The following PTGER4 variants were observed in gnomAD, a reference collection of about 807,000 sequenced individuals.
PTGER4 encodes the protein prostaglandin E2 receptor EP4 subtype.
In PTGER4, 11 loss-of-function variants were observed where a neutral mutation model predicts 33.2. The ratio of observed to expected loss-of-function variants is 0.33; its 90% CI spans 0.21 to 0.55. The LOEUF is 0.55. Among genes scored for constraint, PTGER4 ranks in the 20% least tolerant of loss-of-function variants. PTGER4 has a pLI of 0.92. For synonymous variants in PTGER4, 275 were observed against 281.5 expected (o/e 0.98, Z 0.23); for missense variants, 481 against 650.2 (o/e 0.74, Z 2.83).
At chr5:40,701,777 A>T in the PTGER4 span, among the ~76,000 whole-genome samples, 5 of 152,214 alleles carry the variant, frequency 3.3e-5, no homozygotes, top group Non-Finnish European at 7.3e-5. Flanking sequence ...AAAGGCAGAC[A>T]GAGAGACAGT....
At chr5:40,717,229 C>CAAAAAAA in the PTGER4 span, among the ~76,000 whole-genome samples, 2 of 108,898 alleles carry the variant, frequency 1.8e-5, no homozygotes, top group Admixed American at 1.0e-4. Flanking sequence ...AACTCCATCT[C>CAAAAAAA]AAAAAAAAAA....
chr5:40,729,593 T>C, the PTGER4 span, among the ~76,000 whole-genome samples: 1 of 152,212 alleles, frequency 6.6e-6, no homozygotes, highest in Non-Finnish European at 1.5e-5. Flanking sequence ...CCATCCTCAT[T>C]TTTAAGAAAA....
At chr5:40,729,223 T>G in the PTGER4 span, among the ~76,000 whole-genome samples, 4 of 152,212 alleles carry the variant, frequency 2.6e-5, no homozygotes, top group African/African-American at 9.7e-5. Flanking sequence ...TCATATCACT[T>G]GATTCAGATG....
intron 2 of PTGER4, among the ~76,000 whole-genome samples, chr5:40,690,016 T>A (rs1741430038): frequency 6.6e-6 from 1 of 151,918 alleles, no homozygotes. Context: ...AGAAGTAATA[T>A]CTAGGCAAAA....
chr5:40,723,784 G>A, the PTGER4 span, among the ~76,000 whole-genome samples: 12 of 152,076 alleles, frequency 7.9e-5, no homozygotes, highest in South Asian at 2.1e-4. Context: ...AGAATCACTC[G>A]AACCCGGGAG....
the PTGER4 span, among the ~76,000 whole-genome samples, chr5:40,717,062 C>A: frequency 3.4e-4 from 52 of 152,036 alleles, no homozygotes; most frequent in African/African-American, 8.0e-4. Context: ...AACCCTGTCT[C>A]TACTAAAAAT....
chr5:40,697,278 G>GAA (rs753271229), downstream of PTGER4, among the ~76,000 whole-genome samples: 1 of 129,742 alleles, frequency 7.7e-6, no homozygotes, highest in Non-Finnish European at 1.7e-5. Context: ...AAGAAAGAAA[G>GAA]AAAGAAAGAA....
the PTGER4 span, among the ~76,000 whole-genome samples, chr5:40,740,214 A>G: frequency 6.6e-6 from 1 of 151,180 alleles, no homozygotes; most frequent in East Asian, 1.9e-4. Flanking sequence ...CAGTCTTCAT[A>G]CTTACCCATG....
At chr5:40,723,823 C>T in the PTGER4 span, among the ~76,000 whole-genome samples, 1 of 152,134 alleles carries the variant, frequency 6.6e-6, no homozygotes, top group African/African-American at 2.4e-5. Context: ...CGAGATCACA[C>T]CACTGCACTC....
At chr5:40,684,597 A>G (rs942840803) in intron 2 of PTGER4, among the ~76,000 whole-genome samples, 5 of 152,210 alleles carry the variant, frequency 3.3e-5, no homozygotes, top group African/African-American at 1.2e-4. Context: ...CAAAATATAC[A>G]TATTTCATAA....
chr5:40,685,433 A>C, intron 2 of PTGER4: 1 of 985,476 alleles, frequency 1.0e-6, no homozygotes, highest in Non-Finnish European at 1.2e-6. Flanking sequence ...ATGGGATGTC[A>C]GATGAGTGTG....
chr5:40,682,915 G>T (rs1429835747), intron 2 of PTGER4, among the ~76,000 whole-genome samples: 1 of 152,096 alleles, frequency 6.6e-6, no homozygotes, highest in Non-Finnish European at 1.5e-5. Flanking sequence ...ATTGCCTTTG[G>T]ATTAACTTTT....
chr5:40,717,100 G>T, the PTGER4 span, among the ~76,000 whole-genome samples: 1 of 151,874 alleles, frequency 6.6e-6, no homozygotes, highest in Non-Finnish European at 1.5e-5. Flanking sequence ...ATGATGGCGG[G>T]TGCCTGTAAT....
intron 2 of PTGER4, among the ~76,000 whole-genome samples, chr5:40,690,802 GT>G (rs1356918299): frequency 6.6e-6 from 1 of 152,120 alleles, no homozygotes; most frequent in East Asian, 1.9e-4. Context: ...GGGGAAAAAA[GT>G]TACTTCATTA....
chr5:40,687,928 C>T (rs1175041349), intron 2 of PTGER4, among the ~76,000 whole-genome samples: 2 of 152,132 alleles, frequency 1.3e-5, no homozygotes, highest in Non-Finnish European at 2.9e-5. Context: ...CTATACTAGT[C>T]GAAATCCATT....
the PTGER4 span, among the ~76,000 whole-genome samples, chr5:40,740,546 A>C: frequency 6.6e-6 from 1 of 152,152 alleles, no homozygotes; most frequent in Non-Finnish European, 1.5e-5. Context: ...GCAAGGATAA[A>C]TATCTCATGG....
the PTGER4 span, among the ~76,000 whole-genome samples, chr5:40,699,629 A>G: frequency 3.9e-5 from 6 of 152,166 alleles, no homozygotes; most frequent in African/African-American, 1.4e-4. Context: ...GAATCAAGCA[A>G]TATCTAAAAT....
Position 40,680,860 on chromosome 5 carries a change from A to T in PTGER4, c.-43-91A>T, listed in dbSNP as rs1741164093. The stretch of plus-strand genomic sequence containing the variant: ...AGGATCGAGTTGCTCCCCTTGTCTT[A>T]TCAGTGTATCGTTTCTCGGGCGCGG... On this transcript the variant is annotated intron_variant, in intron 1 of 2. Transcript: ENST00000302472. The surrounding 1 kb of genome is among the most constrained non-coding windows in gnomAD (Gnocchi z 5.5). 5 of 1,133,180 alleles carry T rather than the reference A, an allele frequency of 4.4e-6. No homozygotes were observed. In the Admixed American group the frequency reaches 9.2e-5, roughly 21 times the overall value. 70.2% of individuals were successfully genotyped at this position (1,133,180 alleles called of 1,614,324 possible). A position where few individuals can be genotyped will look rare whatever the true frequency, so the allele number is the denominator to read the frequency against.
chr5:40,708,388 A>C, the PTGER4 span, among the ~76,000 whole-genome samples: 2 of 152,258 alleles, frequency 1.3e-5, no homozygotes, highest in African/African-American at 4.8e-5. Context: ...CTGCCATCAG[A>C]GAATACTATA....
Sources: allele counts gnomAD v4.1 joint callset (sites outside exome capture counted in the v4.1 genomes callset), GRCh38; gene constraint gnomAD v4.1.1; non-coding constraint Gnocchi (gnomAD v3.1); transcripts MANE v1.5; gene names NCBI Gene and HGNC (gene_info 2026-07-23, HGNC 2026-07-21).